Variants in PAN3 observed in about 807,000 individuals in gnomAD.
The protein encoded by PAN3 is poly(A) specific ribonuclease subunit PAN3.
A neutral mutation model predicts 96.2 loss-of-function variants in PAN3; 19 were observed. That is an observed-to-expected ratio of 0.20 (90% CI 0.14 to 0.29). The LOEUF (loss-of-function observed/expected upper bound fraction) is 0.29, where lower values mean the gene tolerates loss of function less well. Among genes scored for constraint, PAN3 ranks in the 10% least tolerant of loss-of-function variants. PAN3 has a pLI of 1.00. For synonymous variants in PAN3, 433 were observed against 406.6 expected (o/e 1.06, Z -0.78); for missense variants, 882 against 1,108.1 (o/e 0.80, Z 2.90).
In PAN3 at chr13:28,290,243, A is replaced by G. The variant is rs565921668; in HGVS notation, c.2523+2121A>G. On this transcript the variant is annotated intron_variant, in intron 18 of 18. Coordinates refer to ENST00000380958, the MANE Select transcript of PAN3 (RefSeq NM_175854.8). ...ATAAGTACTAGAGGAAAAAATATCT[A>G]CTGTAGCACATGATTTAGAACTATT... Among the ~76,000 whole-genome samples the G allele has an allele frequency of 1.5e-4, 23 of 152,362 alleles. No individual in the cohort carries two copies. In the Middle Eastern group the frequency reaches 0.017, roughly 113 times the overall value.
intron 1 of PAN3, among the ~76,000 whole-genome samples, chr13:28,168,217 A>G (rs1346365846): frequency 6.6e-6 from 1 of 152,158 alleles, no homozygotes; most frequent in African/African-American, 2.4e-5. Flanking sequence ...TTGGATTTCA[A>G]ATATTTTTGG....
At position 28,292,637 on chromosome 13, in the gene PAN3, C is replaced by A; in HGVS notation, c.*115C>A. The A allele has an allele frequency of 9.5e-7, 1 of 1,049,162 alleles. No homozygotes were observed. The highest frequency in any genetic ancestry group is 1.3e-6 in the Non-Finnish European group (1 of 761,424). The allele number at this position is 1,049,162 out of a possible 1,614,324, so 65.0% of individuals were successfully genotyped here. A position where few individuals can be genotyped will look rare whatever the true frequency, so the allele number is the denominator to read the frequency against. ...ATTTGGGAAACGAACAGGAGATGAG[C>A]AAAGCTGCTTGCACTTCAGTCAGGT... On this transcript the variant is annotated 3_prime_UTR_variant, in exon 19 of 19. Coordinates refer to ENST00000380958, the MANE Select transcript of PAN3 (RefSeq NM_175854.8).
At chr13:28,232,448 A>G (rs1882674566) in intron 6 of PAN3, 1 of 152,096 alleles carries the variant, frequency 6.6e-6, no homozygotes, top group African/African-American at 2.4e-5. Context: ...ATTTGCATAT[A>G]GAAGATGAAG....
intron 15 of PAN3, among the ~76,000 whole-genome samples, chr13:28,277,813 G>T (rs535257786): frequency 1.5e-4 from 23 of 152,308 alleles, no homozygotes; most frequent in Non-Finnish European, 2.8e-4. Context: ...GAGTGTGAAA[G>T]CCATCATGAG....
At chr13:28,248,664 A>G (rs1045699469) in intron 6 of PAN3, among the ~76,000 whole-genome samples, 1 of 152,124 alleles carries the variant, frequency 6.6e-6, no homozygotes, top group Non-Finnish European at 1.5e-5. Flanking sequence ...AGCTGGGACT[A>G]CAGGCGCATA....
At chr13:28,173,327 A>C (rs1159407988) in intron 1 of PAN3, among the ~76,000 whole-genome samples, 1 of 152,138 alleles carries the variant, frequency 6.6e-6, no homozygotes, top group South Asian at 2.1e-4. Flanking sequence ...CTTGTTAAAG[A>C]TGAACTTTTT....
chr13:28,272,839 G>T (rs1361664599), intron 14 of PAN3, among the ~76,000 whole-genome samples: 1 of 152,164 alleles, frequency 6.6e-6, no homozygotes, highest in Non-Finnish European at 1.5e-5. Flanking sequence ...AAAGTGCTGG[G>T]ATTACAGGCA....
In PAN3 at chr13:28,294,555, A is replaced by T. The variant is rs558826239; in HGVS notation, c.*2033A>T. ...GGGTCTGGGAACTTTTTGAAAATTTAATTTGTGGACCAATGTTTTGTGAAA... is the reference window on the plus strand; with the variant it reads ...GGGTCTGGGAACTTTTTGAAAATTTTATTTGTGGACCAATGTTTTGTGAAA... On this transcript the variant is annotated 3_prime_UTR_variant, in exon 19 of 19. Transcript: ENST00000380958. 41 of 152,692 alleles carry T rather than the reference A, an allele frequency of 2.7e-4. No homozygotes were observed. The highest frequency in any genetic ancestry group is 9.6e-4 in the African/African-American group (40 of 41,556). 9.5% of individuals were successfully genotyped at this position (152,692 alleles called of 1,614,324 possible). A position where few individuals can be genotyped will look rare whatever the true frequency, so the allele number is the denominator to read the frequency against.
At chr13:28,282,037 A>T (rs1887515023) in intron 17 of PAN3, among the ~76,000 whole-genome samples, 1 of 152,124 alleles carries the variant, frequency 6.6e-6, no homozygotes, top group Non-Finnish European at 1.5e-5. Flanking sequence ...TGGCCTCCCA[A>T]AGTGCTGGGA....
At chr13:28,267,811 G>A (rs942674033) in intron 12 of PAN3, among the ~76,000 whole-genome samples, 1 of 152,172 alleles carries the variant, frequency 6.6e-6, no homozygotes, top group African/African-American at 2.4e-5. Flanking sequence ...TCTCCCACCA[G>A]CTCCCTCCCA....
chr13:28,261,853 G>T (rs1885764018), intron 9 of PAN3, among the ~76,000 whole-genome samples: 1 of 107,660 alleles, frequency 9.3e-6, no homozygotes, highest in African/African-American at 4.0e-5. Context: ...AAAAAAAAAG[G>T]ACAGTCCCAA....
Position 28,272,005 on chromosome 13 carries a change from T to C in PAN3, c.1983T>C (p.Val661=). 6.3e-7 allele frequency: 1 copy of C among 1,588,020 alleles called. No individual in the cohort carries two copies. ...KTRLRVNCVG[V]FDVLTFDNSQ... ...GGTTGCGAGTAAATTGTGTTGGAGT[T>C]TTTGATGTTTTAACATTTGATAACA... The change falls in exon 14 of 19, where the codon GTT becomes GTC. Residue 661 remains valine (V), a synonymous_variant. Transcript: ENST00000380958.
intron 6 of PAN3, among the ~76,000 whole-genome samples, chr13:28,225,072 T>G (rs1441749042): frequency 6.6e-6 from 1 of 152,228 alleles, no homozygotes; most frequent in African/African-American, 2.4e-5. Context: ...CAAAGAAAAT[T>G]ATGTTCTTAC....
chr13:28,193,986 G>A (rs950273985), intron 4 of PAN3, among the ~76,000 whole-genome samples: 7 of 151,598 alleles, frequency 4.6e-5, no homozygotes, highest in Admixed American at 1.3e-4. Context: ...ATGAAACCCC[G>A]TCTCTAATAA....
chr13:28,258,237 C>G (rs939161694), intron 7 of PAN3, among the ~76,000 whole-genome samples: 2 of 152,146 alleles, frequency 1.3e-5, no homozygotes, highest in Non-Finnish European at 2.9e-5. Flanking sequence ...AGTTGAGATG[C>G]AGAGCAGAGC....
intron 5 of PAN3, 96 bp from the exon 6 acceptor site, chr13:28,220,135 A>G: frequency 2.6e-6 from 3 of 1,158,678 alleles, no homozygotes; most frequent in South Asian, 3.7e-5. Context: ...AATATATTTT[A>G]CTTAGTAAAT....
intron 6 of PAN3, among the ~76,000 whole-genome samples, chr13:28,229,909 T>C (rs45500397): frequency 0.02 from 2,987 of 152,296 alleles, 54 homozygotes; most frequent in Non-Finnish European, 0.029. Context: ...CTGATGCTGC[T>C]GCTTGTCCTG....
At chr13:28,163,922 A>G (rs1873208711) in intron 1 of PAN3, among the ~76,000 whole-genome samples, 1 of 152,100 alleles carries the variant, frequency 6.6e-6, no homozygotes, top group Non-Finnish European at 1.5e-5. Flanking sequence ...CTTTTCCTCT[A>G]CTAATTAAAC....
intron 18 of PAN3, among the ~76,000 whole-genome samples, 189 bp from the exon 19 acceptor site, chr13:28,292,193 A>G (rs1473226510): frequency 1.3e-5 from 2 of 152,234 alleles, no homozygotes; most frequent in African/African-American, 2.4e-5. Flanking sequence ...AACATAGGGC[A>G]GTGTTTGTGT....
Sources: gnomAD v4.1 joint callset for allele counts (sites outside exome capture counted in the v4.1 genomes callset) on GRCh38, gnomAD v4.1.1 for gene constraint, MANE v1.5 for transcripts, NCBI Gene and HGNC (gene_info 2026-07-23, HGNC 2026-07-21) for gene names.